OVOL2: variants seen among roughly 807,000 people sequenced by gnomAD.
OVOL2 encodes ovo like zinc finger 2, also known as transcription factor Ovo-like 2.
A neutral mutation model predicts 18.1 loss-of-function variants in OVOL2; 13 were observed. The observed-to-expected ratio is 0.72, with a 90% CI of 0.47 to 1.14. The LOEUF (loss-of-function observed/expected upper bound fraction) is 1.14. OVOL2 is among the 50% of genes most tolerant of loss of function. The pLI is 0.00. For synonymous variants in OVOL2, 166 were observed against 162.7 expected, an observed-to-expected ratio of 1.02 and a Z score of -0.16; for missense variants, 335 against 383.0, an observed-to-expected ratio of 0.87 and a Z score of 1.05.
At chr20:18,049,923 G>A (rs1281976595) in intron 2 of OVOL2, among the ~76,000 whole-genome samples, 1 of 152,162 alleles carries the variant, frequency 6.6e-6, no homozygotes, top group Non-Finnish European at 1.5e-5. Flanking sequence ...GACTACGGCT[G>A]ACATACTGGA....
chr20:18,057,641 G>A lies in OVOL2; in HGVS notation c.-7C>T, dbSNP rs1344636528. 2.5e-6 allele frequency: 4 copies of A among 1,569,878 alleles called. No homozygotes were observed. In the East Asian group the frequency reaches 9.5e-5, roughly 37 times the overall value. ...CCAGGAAGACTTTGGGCATGGTGGG[G>A]TCCCCTCTCCCGACTGCGGCCCCCT... is the stretch of plus-strand genomic sequence containing the variant. On this transcript the variant is annotated 5_prime_UTR_variant, in exon 1 of 4. Transcript: ENST00000278780. The surrounding 1 kb of genome is among the most constrained non-coding windows in gnomAD (Gnocchi z 6.3).
chr20:18,025,875 C>A (rs2036509684), intron 3 of OVOL2, among the ~76,000 whole-genome samples: 1 of 152,256 alleles, frequency 6.6e-6, no homozygotes. Context: ...CCATCCCCAG[C>A]ACTTCTGCCT....
At chr20:18,051,981 C>T (rs1001856038) in intron 2 of OVOL2, among the ~76,000 whole-genome samples, 1 of 152,128 alleles carries the variant, frequency 6.6e-6, no homozygotes, top group Non-Finnish European at 1.5e-5. Flanking sequence ...CTCAGGTGAT[C>T]CGCCCGCCTC....
chr20:18,039,859 A>T (rs1220976108), intron 3 of OVOL2, among the ~76,000 whole-genome samples: 2 of 152,136 alleles, frequency 1.3e-5, no homozygotes, highest in African/African-American at 4.8e-5. Context: ...GAGGGAGGAA[A>T]AAGTGTCTTC....
chr20:18,027,110 A>AT (rs2036526949), intron 3 of OVOL2, among the ~76,000 whole-genome samples: 1 of 89,746 alleles, frequency 1.1e-5, no homozygotes, highest in East Asian at 4.7e-4. Flanking sequence ...ATCAAAGTTG[A>AT]ATTTTTTTTT....
At position 18,041,491 on chromosome 20, in the gene OVOL2, C is replaced by A. The variant is rs377426484; in HGVS notation, c.511+43G>T. 9 of 1,578,066 alleles carry A rather than the reference C, an allele frequency of 5.7e-6. No individual in the cohort carries two copies. In the African/African-American group the frequency reaches 1.2e-4, roughly 21 times the overall value. ...TGGGAAAGAAACAGGAGCTCTTGGC[C>A]AGAATAACAAAACAGAGAACAAAGC... On this transcript the variant is annotated intron_variant, in intron 3 of 3. Coordinates refer to ENST00000278780, the MANE Select transcript of OVOL2 (RefSeq NM_021220.4).
At chr20:18,038,633 C>G (rs1254013312) in intron 3 of OVOL2, among the ~76,000 whole-genome samples, 2 of 152,182 alleles carry the variant, frequency 1.3e-5, no homozygotes, top group Non-Finnish European at 2.9e-5. Context: ...CAACAGCTAG[C>G]CATGCTTCCT....
intron 3 of OVOL2, among the ~76,000 whole-genome samples, chr20:18,030,066 AATGG>A (rs2036554445): frequency 6.6e-6 from 1 of 152,246 alleles, no homozygotes; most frequent in African/African-American, 2.4e-5. Context: ...ATATCGAATG[AATGG>A]ATGAACTCTG....
At chr20:18,037,327 C>T (rs1344310165) in intron 3 of OVOL2, among the ~76,000 whole-genome samples, 1 of 152,180 alleles carries the variant, frequency 6.6e-6, no homozygotes, top group Non-Finnish European at 1.5e-5. Context: ...GTTGTGTGAG[C>T]TCCCTGAGCC....
intron 2 of OVOL2, among the ~76,000 whole-genome samples, chr20:18,055,763 G>A (rs1379016173): frequency 6.6e-6 from 1 of 152,200 alleles, no homozygotes; most frequent in Non-Finnish European, 1.5e-5. Flanking sequence ...ACCTGCACCG[G>A]GGGTCTAGGG....
chr20:18,041,902 C>A (rs6111806), intron 2 of OVOL2, among the ~76,000 whole-genome samples, 179 bp from the exon 3 acceptor site: 33,413 of 135,842 alleles, frequency 0.25, 4,518 homozygotes, highest in African/African-American at 0.43. Context: ...TTCCTCCCAC[C>A]CTTTTTTTTT....
rs2036822488 is a variant in OVOL2, at chr20:18,056,186, C to A, written c.321+471G>T. ...CTATGTGTCAAGCTGCCGCCCAGGT[C>A]CAGAACATAAGCATGGGGGGTGAAC... On this transcript the variant is annotated intron_variant, in intron 2 of 3. Transcript: ENST00000278780. This position sits in a 1 kb window ranked among gnomAD's most constrained non-coding sequence, Gnocchi z 4.2. Among the ~76,000 whole-genome samples the A allele has an allele frequency of 6.6e-6, 1 of 152,140 alleles. No homozygotes were observed. The highest frequency in any genetic ancestry group is 1.5e-5 in the Non-Finnish European group (1 of 68,028).
At chr20:18,035,990 C>T (rs965936786) in intron 3 of OVOL2, among the ~76,000 whole-genome samples, 1 of 152,026 alleles carries the variant, frequency 6.6e-6, no homozygotes, top group Non-Finnish European at 1.5e-5. Flanking sequence ...ATGTAAAATC[C>T]ATATTAAAAA....
chr20:18,027,927 T>C (rs1373859067), intron 3 of OVOL2, among the ~76,000 whole-genome samples: 5 of 152,074 alleles, frequency 3.3e-5, no homozygotes, highest in Admixed American at 6.5e-5. Flanking sequence ...AAAGAGAGGT[T>C]ATGGCTGTGA....
At chr20:18,027,012 G>C (rs965911403) in intron 3 of OVOL2, among the ~76,000 whole-genome samples, 10 of 152,138 alleles carry the variant, frequency 6.6e-5, no homozygotes, top group South Asian at 2.1e-4. Flanking sequence ...CGCACTACCT[G>C]GGTGACGGGA....
At chr20:18,037,123 G>A (rs182259548) in intron 3 of OVOL2, among the ~76,000 whole-genome samples, 12,877 of 136,548 alleles carry the variant, frequency 0.094, 663 homozygotes, top group Middle Eastern at 0.13. Flanking sequence ...GCGACAGAGC[G>A]AGACTCCGTC....
chr20:18,049,472 G>A (rs2122720846), intron 2 of OVOL2, among the ~76,000 whole-genome samples: 1 of 152,310 alleles, frequency 6.6e-6, no homozygotes, highest in East Asian at 1.9e-4. Context: ...ATTTGGACCA[G>A]ATTTCCACCG....
In OVOL2 at chr20:18,057,134, G is replaced by A. The variant is rs1173407380; in HGVS notation, c.101-257C>T. On this transcript the variant is annotated intron_variant, in intron 1 of 3. Transcript: ENST00000278780. The surrounding 1 kb of genome is among the most constrained non-coding windows in gnomAD (Gnocchi z 6.3). ...GGCCACGAGCGGCGGAGGACCCCGC[G>A]CGCCAAGTTTCCTCTCAGGGCGGGG... Among the ~76,000 whole-genome samples the A allele has an allele frequency of 6.6e-6, 1 of 152,146 alleles. No individual in the cohort carries two copies.
Position 18,056,562 on chromosome 20 carries a change from T to C in OVOL2, c.321+95A>G. On this transcript the variant is annotated intron_variant, in intron 2 of 3. Transcript: ENST00000278780. This position sits in a 1 kb window ranked among gnomAD's most constrained non-coding sequence, Gnocchi z 4.2. ...CGCGCTCGGGGCGCGGGTGCCGGGT[T>C]GCGCAGGCGGGCGCGGCAGGGAGGG... 8.3e-7 allele frequency: 1 copy of C among 1,206,598 alleles called. No individual in the cohort carries two copies. The allele number at this position is 1,206,598 out of a possible 1,614,324, so 74.7% of individuals were successfully genotyped here.
Sources: allele counts gnomAD v4.1 joint callset (sites outside exome capture counted in the v4.1 genomes callset), GRCh38; gene constraint gnomAD v4.1.1; non-coding constraint Gnocchi (gnomAD v3.1); transcripts MANE v1.5; gene names NCBI Gene and HGNC (gene_info 2026-07-23, HGNC 2026-07-21).